OPRL1: variants seen among roughly 807,000 people sequenced by gnomAD.
OPRL1 encodes opioid related nociceptin receptor 1.
A neutral mutation model predicts 15.5 loss-of-function variants in OPRL1; 5 were observed. The ratio of observed to expected loss-of-function variants is 0.32; its 90% CI spans 0.17 to 0.68. The LOEUF is 0.68. Among genes scored for constraint, OPRL1 ranks in the 30% least tolerant of loss-of-function variants. OPRL1 has a pLI of 0.72. For missense variants in OPRL1, 406 were observed against 515.3 expected (o/e 0.79, Z 2.05); for synonymous variants, 223 against 230.2 (o/e 0.97, Z 0.28).
rs1456526710 is a variant in OPRL1, at chr20:64,083,999, G to C, written c.-185+3647G>C. On this transcript the variant is annotated intron_variant, in intron 1 of 4. Transcript: ENST00000336866. The surrounding 1 kb of genome is among the most constrained non-coding windows in gnomAD (Gnocchi z 4.9). ...CCCGCACGGGAAGGTGGAGGCCGCC[G>C]CGCCCACGTCCTCCAGCAGGTCGCC... The C allele has an allele frequency of 6.7e-7, 1 of 1,491,248 alleles. No homozygotes were observed. The highest frequency in any genetic ancestry group is 8.9e-7 in the Non-Finnish European group (1 of 1,129,164). The allele number at this position is 1,491,248 out of a possible 1,614,324, so 92.4% of individuals were successfully genotyped here. A position where few individuals can be genotyped will look rare whatever the true frequency, so the allele number is the denominator to read the frequency against.
chr20:64,098,866 A>C lies in OPRL1; in HGVS notation c.*67A>C. The C allele has an allele frequency of 4.9e-4, 736 of 1,509,812 alleles. No homozygotes were observed. The highest frequency in any genetic ancestry group is 5.9e-4 in the Non-Finnish European group (672 of 1,130,902). The allele number at this position is 1,509,812 out of a possible 1,614,324, so 93.5% of individuals were successfully genotyped here. On this transcript the variant is annotated 3_prime_UTR_variant, in exon 5 of 5. Transcript: ENST00000336866. ...CCCATCTACGCCCAACACAGAGCTC[A>C]CACAGGTCACTGCTCTCTAGGCGGA... is the stretch of plus-strand genomic sequence containing the variant.
At position 64,089,301 on chromosome 20, in the gene OPRL1, A is replaced by G. The variant is rs1234452270; in HGVS notation, c.-184-2665A>G. Among the ~76,000 whole-genome samples, 2 of 152,122 alleles carry G rather than the reference A, an allele frequency of 1.3e-5. No individual in the cohort carries two copies. Among genetic ancestry groups the G allele is most frequent in the Non-Finnish European group, 2.9e-5 (2 of 68,016 alleles). On this transcript the variant is annotated intron_variant, in intron 1 of 4. Transcript: ENST00000336866. The surrounding 1 kb of genome is among the most constrained non-coding windows in gnomAD (Gnocchi z 5.5). ...TTCTGCTGGACCCTGAACGGCTCCC[A>G]CAGAGGGAGTTGAGGTCTCTATTGA... is the stretch of plus-strand genomic sequence containing the variant.
In OPRL1 at chr20:64,088,782, A is replaced by G. The variant is rs868064315; in HGVS notation, c.-184-3184A>G. 5.4e-3 allele frequency among the ~76,000 whole-genome samples: 687 copies of G among 126,324 alleles called. 20 individuals carry two copies. Among genetic ancestry groups the G allele is most frequent in the Middle Eastern group, 6.8e-3 (1 of 148 alleles). The allele number at this position is 126,324 out of a possible 152,430, so 82.9% of individuals were successfully genotyped here. On this transcript the variant is annotated intron_variant, in intron 1 of 4. Transcript: ENST00000336866. ...CCAGGATCTGTGCAGGGAGGGTAGG[A>G]TCTGTGCAGAGTGGCCAGGATCTGT...
intron 1 of OPRL1, among the ~76,000 whole-genome samples, chr20:64,085,757 C>A (rs915193891): frequency 2.6e-5 from 4 of 152,200 alleles, no homozygotes. Flanking sequence ...GTAGGGCTGT[C>A]CCAGCTGAGG....
At chr20:64,092,634 T>C in intron 2 of OPRL1, 54 bp from the exon 3 acceptor site, 2 of 1,426,874 alleles carry the variant, frequency 1.4e-6, no homozygotes. Flanking sequence ...TTGTGAGGCC[T>C]CCGCTGGGCG....
At position 64,092,920 on chromosome 20, in the gene OPRL1, TG is replaced by T; in HGVS notation, c.204del (p.Asn69ThrfsTer14). On this transcript the variant is annotated frameshift_variant, in exon 3 of 5. Coordinates refer to ENST00000336866, the MANE Select transcript of OPRL1 (RefSeq NM_182647.4). LOFTEE classifies it high-confidence loss of function. ...LYLAVCVGGL[L>X]GNCLVMYVIL... is the part of the protein sequence containing the mutation. ...CTGGCCGTGTGTGTCGGAGGGCTCCTGGGGAACTGCCTTGTCATGTACGTCA... is the reference window on the plus strand; with the variant it reads ...CTGGCCGTGTGTGTCGGAGGGCTCCTGGGAACTGCCTTGTCATGTACGTCA... 1 of 1,612,688 alleles carries T rather than the reference TG, an allele frequency of 6.2e-7. No homozygotes were observed. The highest frequency in any genetic ancestry group is 1.3e-5 in the African/African-American group (1 of 75,044).
chr20:64,093,346 G>A (rs1312185613), intron 3 of OPRL1, among the ~76,000 whole-genome samples: 5 of 148,702 alleles, frequency 3.4e-5, no homozygotes, highest in African/African-American at 1.0e-4. Context: ...GCTGGAGCTC[G>A]GACCGTTCTG....
In OPRL1 at chr20:64,097,221, A is replaced by G. The variant is rs576735594; in HGVS notation, c.234-581A>G. On this transcript the variant is annotated intron_variant, in intron 3 of 4. Transcript: ENST00000336866. The surrounding 1 kb of genome is among the most constrained non-coding windows in gnomAD (Gnocchi z 4.2). ...AACGATTTTCCCAGCCCTTTCCAGC[A>G]CCATTTCAGGTGCTTGGATACACTC... is the stretch of plus-strand genomic sequence containing the variant. Among the ~76,000 whole-genome samples the G allele has an allele frequency of 6.6e-6, 1 of 152,252 alleles. No homozygotes were observed. The highest frequency in any genetic ancestry group is 6.5e-5 in the Admixed American group (1 of 15,300).
chr20:64,085,757 C>T (rs915193891), intron 1 of OPRL1, among the ~76,000 whole-genome samples: 1 of 152,200 alleles, frequency 6.6e-6, no homozygotes, highest in African/African-American at 2.4e-5. Flanking sequence ...GTAGGGCTGT[C>T]CCAGCTGAGG....
In OPRL1 at chr20:64,089,555, C is replaced by G. The variant is rs1234058079; in HGVS notation, c.-184-2411C>G. Reference sequence around the variant, plus strand: ...CCTCTCTCTTGATCTCTCCATACTTCCTCCCCACTCCTTTCCCTTTCCTCC... The same window carrying G: ...CCTCTCTCTTGATCTCTCCATACTTGCTCCCCACTCCTTTCCCTTTCCTCC... On this transcript the variant is annotated intron_variant, in intron 1 of 4. Coordinates refer to ENST00000336866, the MANE Select transcript of OPRL1 (RefSeq NM_182647.4). This position sits in a 1 kb window ranked among gnomAD's most constrained non-coding sequence, Gnocchi z 5.5. Among the ~76,000 whole-genome samples the G allele has an allele frequency of 6.6e-6, 1 of 152,174 alleles. No homozygotes were observed. Among genetic ancestry groups the G allele is most frequent in the Admixed American group, 6.5e-5 (1 of 15,282 alleles).
intron 2 of OPRL1, 109 bp from the exon 3 acceptor site, chr20:64,092,579 G>A (rs759379000): frequency 3.8e-5 from 28 of 746,570 alleles, no homozygotes; most frequent in Non-Finnish European, 5.7e-5. Flanking sequence ...GTCTGTGGCT[G>A]CCCAGCGTGG....
chr20:64,092,753 G>C lies in OPRL1; in HGVS notation c.33G>C (p.Glu11Asp). The change falls in exon 3 of 5, where the codon GAG (glutamate) becomes GAC (aspartate). Residue 11 changes from glutamate (E) to aspartate (D), a missense_variant. Coordinates refer to ENST00000336866, the MANE Select transcript of OPRL1 (RefSeq NM_182647.4). MEPLFPAPFW[E>D]VIYGSHLQGN... ...CCCTCTTCCCCGCGCCGTTCTGGGA[G>C]GTTATCTACGGCAGCCACCTTCAGG... 1 of 1,612,702 alleles carries C rather than the reference G, an allele frequency of 6.2e-7. No homozygotes were observed. The highest frequency in any genetic ancestry group is 1.3e-5 in the African/African-American group (1 of 75,028).
Position 64,098,889 on chromosome 20 carries a change from G to A in OPRL1, c.*90G>A, listed in dbSNP as rs548327371. 3.4e-6 allele frequency: 5 copies of A among 1,457,892 alleles called. No homozygotes were observed. The highest frequency in any genetic ancestry group is 4.8e-5 in the East Asian group (2 of 41,720). The allele number at this position is 1,457,892 out of a possible 1,614,324, so 90.3% of individuals were successfully genotyped here. A position where few individuals can be genotyped will look rare whatever the true frequency, so the allele number is the denominator to read the frequency against. ...TCACACAGGTCACTGCTCTCTAGGCGGACACACCCTGGGCCCTGAGCATCC... is the reference window on the plus strand; with the variant it reads ...TCACACAGGTCACTGCTCTCTAGGCAGACACACCCTGGGCCCTGAGCATCC... On this transcript the variant is annotated 3_prime_UTR_variant, in exon 5 of 5. Coordinates refer to ENST00000336866, the MANE Select transcript of OPRL1 (RefSeq NM_182647.4).
chr20:64,087,585 G>A (rs371942952), intron 1 of OPRL1, among the ~76,000 whole-genome samples: 3 of 55,294 alleles, frequency 5.4e-5, no homozygotes, highest in East Asian at 1.1e-3. Context: ...TGTCATTCGC[G>A]TGTCATCGTT....
chr20:64,083,810 C>G lies in OPRL1; in HGVS notation c.-185+3458C>G. On this transcript the variant is annotated intron_variant, in intron 1 of 4. Coordinates refer to ENST00000336866, the MANE Select transcript of OPRL1 (RefSeq NM_182647.4). The surrounding 1 kb of genome is among the most constrained non-coding windows in gnomAD (Gnocchi z 4.9). ...CGCCCCCTCTGCCCTCCGACCCCCT[C>G]GCCTCACCCGCATGCGGGTGTAGCG... The G allele has an allele frequency of 7.4e-7, 1 of 1,352,692 alleles. No homozygotes were observed. The highest frequency in any genetic ancestry group is 9.4e-7 in the Non-Finnish European group (1 of 1,058,868). The allele number at this position is 1,352,692 out of a possible 1,614,324, so 83.8% of individuals were successfully genotyped here.
At chr20:64,084,226 G>C in intron 1 of OPRL1, 1 of 1,386,834 alleles carries the variant, frequency 7.2e-7, no homozygotes, top group Non-Finnish European at 9.3e-7. Flanking sequence ...GCATCCTCCC[G>C]CCCTGCGGAG....
rs1264814355 is a variant in OPRL1, at chr20:64,092,837, T to C, written c.117T>C (p.Asn39=). Residue 39 remains asparagine (N), a synonymous_variant, in exon 3 of 5, where the codon AAT becomes AAC. Transcript: ENST00000336866. ...HSLLPPHLLL[N]ASHGAFLPLG... ...TGCTGCCCCCGCATCTGCTGCTCAATGCCAGCCACGGCGCCTTCCTGCCCC... is the reference window on the plus strand; with the variant it reads ...TGCTGCCCCCGCATCTGCTGCTCAACGCCAGCCACGGCGCCTTCCTGCCCC... 6.8e-6 allele frequency: 11 copies of C among 1,612,618 alleles called. No individual in the cohort carries two copies. Among genetic ancestry groups the C allele is most frequent in the Non-Finnish European group, 8.5e-6 (10 of 1,179,940 alleles).
chr20:64,083,715 C>T lies in OPRL1; in HGVS notation c.-185+3363C>T, dbSNP rs2059999360. On this transcript the variant is annotated intron_variant, in intron 1 of 4. Transcript: ENST00000336866. The surrounding 1 kb of genome is among the most constrained non-coding windows in gnomAD (Gnocchi z 4.9). ...GCGCGATCTCCTCGGCCTGCGGGGC[C>T]CGGGTAGCTGAGCGCGCGCCGAGCC... The T allele has an allele frequency of 8.0e-6, 11 of 1,373,690 alleles. No homozygotes were observed. Among genetic ancestry groups the T allele is most frequent in the Non-Finnish European group, 2.8e-6 (3 of 1,072,762 alleles). 85.1% of individuals were successfully genotyped at this position (1,373,690 alleles called of 1,614,324 possible).
rs1288385201 is a variant in OPRL1 at position 64,100,578 on chromosome 20, C to T, written c.*1779C>T. The T allele has an allele frequency of 1.3e-5, 2 of 152,124 alleles. No individual in the cohort carries two copies. Among genetic ancestry groups the T allele is most frequent in the Non-Finnish European group, 2.9e-5 (2 of 68,042 alleles). The allele number at this position is 152,124 out of a possible 1,614,324, so 9.4% of individuals were successfully genotyped here. ...CCTGTGCACGTAGCCAGCCCTGGGT[C>T]TGTCTCTGGGGTAATGAAAAAGGAC... On this transcript the variant is annotated 3_prime_UTR_variant, in exon 5 of 5. Transcript: ENST00000336866.
Sources: gnomAD v4.1 joint callset for allele counts (sites outside exome capture counted in the v4.1 genomes callset) on GRCh38, gnomAD v4.1.1 for gene constraint, Gnocchi (gnomAD v3.1) non-coding constraint, MANE v1.5 for transcripts, NCBI Gene and HGNC (gene_info 2026-07-23, HGNC 2026-07-21) for gene names.